CNOT10: variants seen among roughly 807,000 people sequenced by gnomAD.
The protein encoded by CNOT10 is CCR4-NOT transcription complex subunit 10.
CNOT10 carries 30 observed loss-of-function variants against 94.6 expected under a neutral mutation model. That is an observed-to-expected ratio of 0.32 (90% CI 0.24 to 0.43). CNOT10 has a LOEUF of 0.43. CNOT10 is among the 20% of genes least tolerant of loss of function. The probability of loss-of-function intolerance (pLI) is 1.00; values close to 1 mark genes in which losing one functional copy is unlikely to be tolerated. For synonymous variants in CNOT10, 289 were observed against 301.6 expected, an observed-to-expected ratio of 0.96 and a Z score of 0.43; for missense variants, 759 against 877.2, an observed-to-expected ratio of 0.87 and a Z score of 1.70.
chr3:32,706,362 C>T (rs759964301), intron 3 of CNOT10, among the ~76,000 whole-genome samples: 2 of 152,074 alleles, frequency 1.3e-5, no homozygotes, highest in Non-Finnish European at 2.9e-5. Flanking sequence ...TGCAAACTTC[C>T]AGTTAGGCCA....
At chr3:32,693,067 G>C (rs1383665659) in intron 1 of CNOT10, among the ~76,000 whole-genome samples, 1 of 152,052 alleles carries the variant, frequency 6.6e-6, no homozygotes, top group Non-Finnish European at 1.5e-5. Context: ...AAAAAGAATA[G>C]CTTTCCCATA....
intron 11 of CNOT10, 24 bp downstream of exon 11, chr3:32,733,568 T>C: frequency 7.1e-7 from 1 of 1,409,748 alleles, no homozygotes; most frequent in Non-Finnish European, 9.7e-7. Context: ...AAAGAAAAAG[T>C]GTATATATAT....
chr3:32,746,353 T>G (rs921975972), intron 13 of CNOT10, among the ~76,000 whole-genome samples: 1 of 152,166 alleles, frequency 6.6e-6, no homozygotes, highest in Admixed American at 6.6e-5. Context: ...CTATTATTAT[T>G]ACATTGTAAT....
intron 1 of CNOT10, among the ~76,000 whole-genome samples, chr3:32,702,149 G>A (rs1697382291): frequency 6.7e-6 from 1 of 149,882 alleles, no homozygotes; most frequent in Non-Finnish European, 1.5e-5. Context: ...AGGCTGGAGT[G>A]AAGTGGCGTG....
intron 6 of CNOT10, 46 bp downstream of exon 6, chr3:32,716,357 T>C (rs1698120334): frequency 1.1e-6 from 1 of 945,760 alleles, no homozygotes; most frequent in Non-Finnish European, 1.7e-6. Context: ...TATATTTAAT[T>C]GTAGTTATGA....
chr3:32,753,937 A>G, intron 13 of CNOT10: 1 of 885,266 alleles, frequency 1.1e-6, no homozygotes, highest in Non-Finnish European at 1.7e-6. Context: ...CACACACACA[A>G]AATATAAAAA....
chr3:32,723,046 A>AT (rs1698494503), intron 8 of CNOT10, among the ~76,000 whole-genome samples: 1 of 152,146 alleles, frequency 6.6e-6, no homozygotes, highest in Non-Finnish European at 1.5e-5. Flanking sequence ...CTAGTCAGGC[A>AT]TTTTATGTCA....
chr3:32,759,505 A>G lies in CNOT10; in HGVS notation c.1643A>G (p.Asp548Gly). The part of the protein sequence containing the change: ...CSAYVALALG[D>G]NLMALNHADK... ...GCCTACGTGGCTCTGGCTTTGGGTG[A>G]TAACCTCATGGCTTTGAATCATGCA... Residue 548 changes from aspartate to glycine, a missense_variant, in exon 14 of 19, where the codon GAT becomes GGT. Transcript: ENST00000328834. The G allele has an allele frequency of 6.2e-7, 1 of 1,614,064 alleles. No homozygotes were observed. The highest frequency in any genetic ancestry group is 8.5e-7 in the Non-Finnish European group (1 of 1,180,002).
chr3:32,705,004 T>C (rs1181081508), intron 3 of CNOT10, 32 bp downstream of exon 3: 1 of 1,368,898 alleles, frequency 7.3e-7, no homozygotes, highest in African/African-American at 1.5e-5. Context: ...CTATAAAAAA[T>C]ATTGTTCTGT....
At chr3:32,758,704 A>G (rs1344797556) in intron 13 of CNOT10, among the ~76,000 whole-genome samples, 3 of 152,224 alleles carry the variant, frequency 2.0e-5, no homozygotes, top group Non-Finnish European at 2.9e-5. Flanking sequence ...TTTAACATTC[A>G]AGTGATCTAT....
At chr3:32,708,873 T>C in intron 4 of CNOT10, 53 bp downstream of exon 4, 1 of 1,464,676 alleles carries the variant, frequency 6.8e-7, no homozygotes, top group African/African-American at 1.4e-5. Flanking sequence ...ACTTGCAGAA[T>C]TCTCTGGTAC....
At chr3:32,712,844 CA>C (rs1358880113) in intron 4 of CNOT10, among the ~76,000 whole-genome samples, 2 of 151,926 alleles carry the variant, frequency 1.3e-5, no homozygotes, top group African/African-American at 2.4e-5. Context: ...ATCTCAGAAA[CA>C]AAAAAAGTTT....
chr3:32,764,821 G>A lies in CNOT10; in HGVS notation c.2004+12G>A. 8 of 1,613,436 alleles carry A rather than the reference G, an allele frequency of 5.0e-6. No homozygotes were observed. The highest frequency in any genetic ancestry group is 6.8e-6 in the Non-Finnish European group (8 of 1,179,840). On this transcript the variant is annotated intron_variant, in intron 17 of 18. Coordinates refer to ENST00000328834, the MANE Select transcript of CNOT10 (RefSeq NM_015442.3). ...AGTGTCTCCACCAGGTGAGTCCAGA[G>A]TGGGAGGAACTGAACCTTGTAAAGC...
rs1259217296 is a variant in CNOT10 at position 32,713,122 on chromosome 3, T to TA, written c.431-104dup. On this transcript the variant is annotated intron_variant, in intron 4 of 18. Transcript: ENST00000328834. ...ATAGGCATTCATTTGAGTAAAGACT[T>TA]ATGCTTTGCTATTTAAAGCTTTGTA... The TA allele has an allele frequency of 1.4e-5, 12 of 882,018 alleles. No homozygotes were observed. The East Asian group carries it at 1.9e-4, about 14-fold the overall frequency. 54.6% of individuals were successfully genotyped at this position (882,018 alleles called of 1,614,324 possible). A position where few individuals can be genotyped will look rare whatever the true frequency, so the allele number is the denominator to read the frequency against.
intron 5 of CNOT10, among the ~76,000 whole-genome samples, chr3:32,715,482 G>A (rs1698079532): frequency 6.6e-6 from 1 of 152,166 alleles, no homozygotes. Flanking sequence ...ATGAGTGTGA[G>A]TGATAGCTTG....
Position 32,708,745 on chromosome 3 carries a change from A to G in CNOT10, c.355A>G (p.Ile119Val). The change falls in exon 4 of 19, where the codon ATT becomes GTT. Residue 119 changes from isoleucine (I) to valine (V), a missense_variant. This residue lies in a region of CNOT10 where 682 missense variants were observed against 799.4 expected (regional missense o/e 0.85). Coordinates refer to ENST00000328834, the MANE Select transcript of CNOT10 (RefSeq NM_015442.3). ...CATGTTGTACTATAATCAAGCAGTC[A>G]TTCTTTATCATCTGCGGCAGTATAC... ...NSMLYYNQAV[I>V]LYHLRQYTEA... 1 of 1,613,550 alleles carries G rather than the reference A, an allele frequency of 6.2e-7. No homozygotes were observed. The highest frequency in any genetic ancestry group is 8.5e-7 in the Non-Finnish European group (1 of 1,179,684).
chr3:32,730,770 T>C (rs1698906126), intron 10 of CNOT10: 1 of 152,240 alleles, frequency 6.6e-6, no homozygotes, highest in Non-Finnish European at 1.5e-5. Flanking sequence ...GTCCTGAATA[T>C]CTGGTACATA....
At chr3:32,754,044 G>C in intron 13 of CNOT10, 1 of 456,876 alleles carries the variant, frequency 2.2e-6, no homozygotes, top group Non-Finnish European at 3.8e-6. Flanking sequence ...AGGTTGCAGT[G>C]AGCCAAGATC....
chr3:32,750,058 A>C (rs919041423), intron 13 of CNOT10, among the ~76,000 whole-genome samples: 1 of 152,064 alleles, frequency 6.6e-6, no homozygotes, highest in Non-Finnish European at 1.5e-5. Flanking sequence ...CTCTACAAAA[A>C]ATTTAGTCTG....
Sources: allele counts gnomAD v4.1 joint callset (sites outside exome capture counted in the v4.1 genomes callset), GRCh38; gene constraint gnomAD v4.1.1; regional missense constraint gnomAD v4.1.1; transcripts MANE v1.5; gene names NCBI Gene and HGNC (gene_info 2026-07-23, HGNC 2026-07-21).